Variants in UNC13C observed in about 807,000 individuals in gnomAD.
The protein encoded by UNC13C is unc-13 homolog C, also known as protein unc-13 homolog C.
In UNC13C, 174 loss-of-function variants were observed where a neutral mutation model predicts 245.4. The ratio of observed to expected loss-of-function variants is 0.71; its 90% confidence interval spans 0.63 to 0.80. The LOEUF (loss-of-function observed/expected upper bound fraction) is 0.80, where lower values mean the gene tolerates loss of function less well. UNC13C is among the 30% of genes least tolerant of loss of function. The pLI is 0.00. For synonymous variants in UNC13C, 992 were observed against 895.1 expected (o/e 1.11, Z -1.93); for missense variants, 2,829 against 2,602.9 (o/e 1.09, Z -1.89).
At chr15:54,589,768 C>G (rs544471624) in intron 30 of UNC13C, among the ~76,000 whole-genome samples, 2 of 152,198 alleles carry the variant, frequency 1.3e-5, no homozygotes, top group African/African-American at 4.8e-5. Context: ...TGACTGCTGA[C>G]TGTTCTTTTT....
At chr15:53,920,043 T>A in the UNC13C span, among the ~76,000 whole-genome samples, 3 of 152,186 alleles carry the variant, frequency 2.0e-5, no homozygotes, top group Non-Finnish European at 4.4e-5. Context: ...TGGTCTTTTG[T>A]CCTTGTTAGC....
intron 2 of UNC13C, among the ~76,000 whole-genome samples, chr15:54,087,418 A>G (rs993531591): frequency 2.0e-5 from 3 of 152,204 alleles, no homozygotes; most frequent in Non-Finnish European, 4.4e-5. Context: ...CTACTGAGAA[A>G]GTTCTTTTCT....
intron 17 of UNC13C, among the ~76,000 whole-genome samples, chr15:54,344,870 C>T (rs2140827407): frequency 6.6e-6 from 1 of 152,326 alleles, no homozygotes; most frequent in South Asian, 2.1e-4. Flanking sequence ...TCATTGTTCA[C>T]TTGGATTACT....
intron 30 of UNC13C, among the ~76,000 whole-genome samples, chr15:54,581,604 T>C (rs1195388413): frequency 1.3e-5 from 2 of 152,200 alleles, no homozygotes; most frequent in Non-Finnish European, 2.9e-5. Context: ...TATTACCTCA[T>C]TTAACCTTAG....
chr15:53,863,257 C>G, the UNC13C span, among the ~76,000 whole-genome samples: 2,617 of 152,270 alleles, frequency 0.017, 53 homozygotes, highest in East Asian at 0.08. Context: ...CCTCTTTGGA[C>G]TGATGCTCTA....
At chr15:54,035,631 C>A (rs1272829124) in intron 2 of UNC13C, among the ~76,000 whole-genome samples, 1 of 152,110 alleles carries the variant, frequency 6.6e-6, no homozygotes. Flanking sequence ...GGATTTCTGA[C>A]CCGATTTACA....
At chr15:54,011,519 G>A (rs1369868045) in intron 1 of UNC13C, among the ~76,000 whole-genome samples, 2 of 152,164 alleles carry the variant, frequency 1.3e-5, no homozygotes, top group Non-Finnish European at 2.9e-5. Context: ...ACTTTCCAAA[G>A]CCTTTTCTTC....
chr15:54,044,560 G>T (rs1193742077), intron 2 of UNC13C: 6 of 180,668 alleles, frequency 3.3e-5, no homozygotes, highest in Non-Finnish European at 7.4e-5. Context: ...TGGCAGGCGG[G>T]GTGGGGGGTG....
chr15:54,246,502 C>T (rs1461399119), intron 7 of UNC13C, among the ~76,000 whole-genome samples: 1 of 150,826 alleles, frequency 6.6e-6, no homozygotes, highest in Non-Finnish European at 1.5e-5. Flanking sequence ...TAATGCCTAA[C>T]TTTAAAAAGC....
chr15:54,089,604 T>C (rs1366705876), intron 2 of UNC13C, among the ~76,000 whole-genome samples: 1 of 152,126 alleles, frequency 6.6e-6, no homozygotes, highest in African/African-American at 2.4e-5. Context: ...TTATTTTCTA[T>C]TTCCTAAATT....
chr15:54,542,726 T>C (rs185846582), intron 26 of UNC13C, among the ~76,000 whole-genome samples: 1 of 152,290 alleles, frequency 6.6e-6, no homozygotes, highest in East Asian at 1.9e-4. Context: ...GCTCTTCTTG[T>C]TGCATTGATC....
At chr15:54,508,537 G>A (rs1596491196) in intron 23 of UNC13C, among the ~76,000 whole-genome samples, 1 of 152,000 alleles carries the variant, frequency 6.6e-6, no homozygotes, top group East Asian at 1.9e-4. Context: ...AGAAACAAAA[G>A]CCCTCCAAAT....
chr15:53,996,305 T>A (rs2140967616), intron 1 of UNC13C, among the ~76,000 whole-genome samples: 1 of 152,290 alleles, frequency 6.6e-6, no homozygotes, highest in South Asian at 2.1e-4. Flanking sequence ...AAGAAGACGT[T>A]TCTGTATCAG....
rs539048688 is a variant in UNC13C, at chr15:54,007,353, A to G, written c.-256-5295A>G. Among the ~76,000 whole-genome samples the G allele has an allele frequency of 8.1e-4, 124 of 152,346 alleles. 3 individuals are homozygous for G. In the South Asian group the frequency reaches 0.025, roughly 31 times the overall value. ...AGTGATTCAATAGCAAAGACATGGA[A>G]TCAACCCAAATGCCCATCAAAAATA... On this transcript the variant is annotated intron_variant, in intron 1 of 32. Transcript: ENST00000260323.
intron 24 of UNC13C, among the ~76,000 whole-genome samples, chr15:54,514,879 T>A (rs1174587006): frequency 6.6e-6 from 1 of 152,210 alleles, no homozygotes; most frequent in African/African-American, 2.4e-5. Flanking sequence ...TAAGCAATCA[T>A]TGTTAGACAG....
chr15:54,051,762 CT>C (rs146812288), intron 2 of UNC13C, among the ~76,000 whole-genome samples: 30,162 of 145,264 alleles, frequency 0.21, 4,064 homozygotes, highest in African/African-American at 0.39. Flanking sequence ...TTCTTTCTTT[CT>C]TTTTTTTTTT....
chr15:54,069,861 T>C (rs1045028159), intron 2 of UNC13C, among the ~76,000 whole-genome samples: 11 of 152,356 alleles, frequency 7.2e-5, no homozygotes, highest in African/African-American at 2.6e-4. Flanking sequence ...CAATCTTCTG[T>C]AAGAACCTTT....
chr15:54,214,017 T>G (rs2034964690), intron 4 of UNC13C, among the ~76,000 whole-genome samples: 2 of 152,118 alleles, frequency 1.3e-5, no homozygotes, highest in East Asian at 3.9e-4. Flanking sequence ...AAATTGACAC[T>G]ACAAATTATT....
At chr15:54,380,856 A>T (rs2039708783) in intron 17 of UNC13C, among the ~76,000 whole-genome samples, 1 of 152,152 alleles carries the variant, frequency 6.6e-6, no homozygotes, top group Non-Finnish European at 1.5e-5. Context: ...AATTTTGGGT[A>T]GTAACTCCTT....
Sources: gnomAD v4.1 joint callset for allele counts (sites outside exome capture counted in the v4.1 genomes callset) on GRCh38, gnomAD v4.1.1 for gene constraint, MANE v1.5 for transcripts, NCBI Gene and HGNC (gene_info 2026-07-23, HGNC 2026-07-21) for gene names.